PCDH7: variants seen among roughly 807,000 people sequenced by gnomAD.
PCDH7 encodes the protein protocadherin 7, also known as protocadherin-7.
In PCDH7, 17 loss-of-function variants were observed where a neutral mutation model predicts 58.9. That is an observed-to-expected ratio of 0.29 (90% confidence interval 0.20 to 0.43). The LOEUF is 0.43. Among genes scored for constraint, PCDH7 ranks in the 20% least tolerant of loss-of-function variants. The pLI is 1.00. For synonymous variants in PCDH7, 664 were observed against 616.4 expected (o/e 1.08, Z -1.14); for missense variants, 1,274 against 1,441.0 (o/e 0.88, Z 1.88).
At chr4:31,069,582 A>G (rs1758372532) in intron 3 of PCDH7, among the ~76,000 whole-genome samples, 1 of 152,038 alleles carries the variant, frequency 6.6e-6, no homozygotes, top group Non-Finnish European at 1.5e-5. Flanking sequence ...TAATGCCTAG[A>G]ATTGTTTTAG....
intron 3 of PCDH7, among the ~76,000 whole-genome samples, chr4:31,077,270 C>G (rs906524255): frequency 5.9e-5 from 9 of 151,344 alleles, no homozygotes; most frequent in Non-Finnish European, 1.2e-4. Flanking sequence ...ATTAGCCGGG[C>G]GTGTGGTGCA....
chr4:30,945,350 T>C (rs1578377510), intron 2 of PCDH7, among the ~76,000 whole-genome samples: 1 of 152,224 alleles, frequency 6.6e-6, no homozygotes, highest in East Asian at 1.9e-4. Context: ...AATTTCTTCA[T>C]TGTATAATTG....
chr4:30,866,949 T>C (rs147188412), intron 1 of PCDH7, among the ~76,000 whole-genome samples: 4 of 152,132 alleles, frequency 2.6e-5, no homozygotes, highest in Non-Finnish European at 5.9e-5. Flanking sequence ...AGAGCTGGAC[T>C]TTGGTTGGGG....
intron 2 of PCDH7, among the ~76,000 whole-genome samples, chr4:30,932,469 T>C (rs1273009819): frequency 6.6e-6 from 1 of 152,222 alleles, no homozygotes; most frequent in African/African-American, 2.4e-5. Flanking sequence ...TTATAGGAGT[T>C]ATGTATAAGC....
At chr4:31,113,002 T>C (rs188276875) in intron 3 of PCDH7, among the ~76,000 whole-genome samples, 134 of 152,314 alleles carry the variant, frequency 8.8e-4, no homozygotes, top group Non-Finnish European at 2.8e-4. Context: ...ATTCATTTTT[T>C]TCAGGTCTTC....
chr4:30,721,695 C>G lies in PCDH7; in HGVS notation c.273C>G (p.Ile91Met), dbSNP rs1025708308. The change falls in exon 1 of 2, where the codon ATC becomes ATG. Residue 91 changes from isoleucine (I) to methionine (M), a missense_variant. Transcript: ENST00000361762. The surrounding 1 kb of genome is among the most constrained non-coding windows in gnomAD (Gnocchi z 6.7). ...AGCTGAGCACGAGCGAGCGGCGCAT[C>G]GACCGCGAGAAGCTGCCCCAGTGTC... The G allele has an allele frequency of 2.5e-6, 4 of 1,613,722 alleles. No homozygotes were observed. Among genetic ancestry groups the G allele is most frequent in the Non-Finnish European group, 3.4e-6 (4 of 1,179,968 alleles).
At chr4:30,883,549 C>T (rs1255568658) in intron 1 of PCDH7, among the ~76,000 whole-genome samples, 2 of 152,178 alleles carry the variant, frequency 1.3e-5, no homozygotes, top group Admixed American at 1.3e-4. Context: ...ATTTCCATGG[C>T]AACCCCAAAG....
chr4:31,044,027 T>C (rs1349704071), intron 3 of PCDH7, among the ~76,000 whole-genome samples: 1 of 152,154 alleles, frequency 6.6e-6, no homozygotes, highest in African/African-American at 2.4e-5. Context: ...GGAGAGAAGA[T>C]GGCAGCTTCT....
intron 3 of PCDH7, among the ~76,000 whole-genome samples, chr4:31,004,330 C>T (rs1752595381): frequency 6.6e-6 from 1 of 152,140 alleles, no homozygotes; most frequent in Non-Finnish European, 1.5e-5. Flanking sequence ...CATGATAGCT[C>T]ATTTACAATG....
intron 2 of PCDH7, among the ~76,000 whole-genome samples, chr4:30,941,227 G>A (rs1318556018): frequency 1.3e-5 from 2 of 151,848 alleles, no homozygotes; most frequent in East Asian, 3.9e-4. Flanking sequence ...AGTAGATAGG[G>A]TGAACAGACT....
intron 1 of PCDH7, chr4:30,776,294 A>C (rs914418430): frequency 2.6e-5 from 4 of 152,232 alleles, no homozygotes; most frequent in Non-Finnish European, 4.4e-5. Context: ...CCCATTCTTG[A>C]ATAAGACTCT....
intron 1 of PCDH7, among the ~76,000 whole-genome samples, chr4:30,776,988 T>C (rs993179594): frequency 6.6e-6 from 1 of 152,066 alleles, no homozygotes; most frequent in African/African-American, 2.4e-5. Flanking sequence ...TGAAAAGTGT[T>C]GTTGAGGTAC....
At chr4:30,821,586 C>G (rs188710520) in intron 1 of PCDH7, among the ~76,000 whole-genome samples, 1 of 152,158 alleles carries the variant, frequency 6.6e-6, no homozygotes, top group African/African-American at 2.4e-5. Context: ...ACCCCTTAGG[C>G]GGGCCTGAAA....
intron 3 of PCDH7, among the ~76,000 whole-genome samples, chr4:31,000,507 A>G (rs1752278229): frequency 6.6e-6 from 1 of 152,070 alleles, no homozygotes; most frequent in East Asian, 1.9e-4. Flanking sequence ...ATTATTTTCT[A>G]TGTCCTTAGT....
chr4:30,996,449 T>G (rs919681590), intron 3 of PCDH7, among the ~76,000 whole-genome samples: 1 of 152,110 alleles, frequency 6.6e-6, no homozygotes, highest in Admixed American at 6.6e-5. Context: ...AGGTCTTTCA[T>G]GAAGAAAAAA....
intron 1 of PCDH7, among the ~76,000 whole-genome samples, chr4:30,794,979 TTGAG>T (rs559062822): frequency 2.0e-5 from 3 of 152,162 alleles, no homozygotes; most frequent in Non-Finnish European, 4.4e-5. Context: ...AATCCATTTA[TTGAG>T]TATTTAAATT....
intron 3 of PCDH7, among the ~76,000 whole-genome samples, chr4:31,130,110 G>A (rs1718796733): frequency 1.3e-5 from 2 of 152,266 alleles, no homozygotes; most frequent in African/African-American, 4.8e-5. Context: ...CTTCTTAGAT[G>A]TTACGTCAAA....
intron 1 of PCDH7, among the ~76,000 whole-genome samples, chr4:30,771,265 A>C (rs1284434240): frequency 1.3e-5 from 2 of 152,228 alleles, no homozygotes; most frequent in Non-Finnish European, 2.9e-5. Context: ...GATCTGACAA[A>C]TGACTGTTGT....
intron 3 of PCDH7, among the ~76,000 whole-genome samples, chr4:31,080,038 C>T (rs568261772): frequency 2.2e-3 from 337 of 152,268 alleles, no homozygotes; most frequent in Non-Finnish European, 4.4e-3. Flanking sequence ...TGCCTGTTAC[C>T]ACCTAATACC....
Sources: gnomAD v4.1 joint callset for allele counts (sites outside exome capture counted in the v4.1 genomes callset) on GRCh38, gnomAD v4.1.1 for gene constraint, Gnocchi (gnomAD v3.1) non-coding constraint, MANE v1.5 for transcripts, NCBI Gene and HGNC (gene_info 2026-07-23, HGNC 2026-07-21) for gene names.